The following GPHN variants were observed in gnomAD, a reference collection of about 807,000 sequenced individuals.
GPHN encodes the protein gephyrin.
A neutral mutation model predicts 95.5 loss-of-function variants in GPHN; 17 were observed. The ratio of observed to expected loss-of-function variants is 0.18; its 90% CI spans 0.12 to 0.27. The LOEUF (loss-of-function observed/expected upper bound fraction) is 0.27. GPHN is among the 10% of genes least tolerant of loss of function. The pLI is 1.00. For missense variants in GPHN, 660 were observed against 978.1 expected, an observed-to-expected ratio of 0.67 and a Z score of 4.34; for synonymous variants, 320 against 322.5, an observed-to-expected ratio of 0.99 and a Z score of 0.08.
At chr14:66,646,277 G>A (rs538235304) in intron 1 of GPHN, among the ~76,000 whole-genome samples, 5 of 152,168 alleles carry the variant, frequency 3.3e-5, no homozygotes, top group African/African-American at 9.6e-5. Context: ...CCTAAGAATG[G>A]CTGCTGTAAA....
chr14:67,336,803 G>GT, the GPHN span: 1 of 454,888 alleles, frequency 2.2e-6, no homozygotes, highest in African/African-American at 2.0e-5. Flanking sequence ...TGAGTTGTTG[G>GT]TTTTCCAGTC....
chr14:66,962,164 C>G (rs941552271), intron 8 of GPHN, among the ~76,000 whole-genome samples: 2 of 150,814 alleles, frequency 1.3e-5, no homozygotes, highest in African/African-American at 2.4e-5. Context: ...TTTCAGGTAA[C>G]TAATTACTAC....
the GPHN span, among the ~76,000 whole-genome samples, chr14:67,437,543 C>T: frequency 2.6e-5 from 4 of 152,036 alleles, no homozygotes; most frequent in Admixed American, 6.6e-5. Flanking sequence ...AACCTCACGG[C>T]GGCTGTACGT....
chr14:67,631,437 T>TTG, the GPHN span, among the ~76,000 whole-genome samples: 1 of 145,446 alleles, frequency 6.9e-6, no homozygotes, highest in African/African-American at 2.6e-5. Flanking sequence ...TTTCTTTCTT[T>TTG]TTTTTTTTTT....
intron 17 of GPHN, among the ~76,000 whole-genome samples, chr14:67,134,413 C>T (rs900579488): frequency 3.3e-5 from 5 of 152,196 alleles, no homozygotes; most frequent in African/African-American, 9.7e-5. Flanking sequence ...ACCTTAATCC[C>T]TTCTCAAAGT....
chr14:66,914,007 T>G lies in GPHN; in HGVS notation c.390-1996T>G, dbSNP rs535807359. Among the ~76,000 whole-genome samples the G allele has an allele frequency of 2.0e-5, 3 of 151,878 alleles. No homozygotes were observed. The South Asian group carries it at 6.2e-4, about 32-fold the overall frequency. ...AAACACTTCAAAGAGATCAGGGAAA[T>G]GAGAAAGAATACATAAATCTCTGAT... On this transcript the variant is annotated intron_variant, in intron 5 of 22. Coordinates refer to ENST00000478722, the MANE Select transcript of GPHN (RefSeq NM_020806.5).
intron 3 of GPHN, among the ~76,000 whole-genome samples, chr14:66,804,425 GC>G (rs1258843865): frequency 4.6e-5 from 7 of 152,170 alleles, no homozygotes; most frequent in Non-Finnish European, 1.0e-4. Context: ...TATGAACAAT[GC>G]AAAAGATTTC....
chr14:67,301,983 G>A, the GPHN span: 20 of 1,585,524 alleles, frequency 1.3e-5, 1 homozygote, highest in Non-Finnish European at 1.7e-5. Context: ...CACTTTTACT[G>A]GCCCACGATA....
intron 1 of GPHN, among the ~76,000 whole-genome samples, chr14:66,554,704 T>A (rs2059942249): frequency 6.6e-6 from 1 of 152,164 alleles, no homozygotes; most frequent in Non-Finnish European, 1.5e-5. Context: ...AGCTAAACCA[T>A]ATCAGCTGTC....
chr14:67,439,548 TCTTTC>T, the GPHN span, among the ~76,000 whole-genome samples: 1 of 61,860 alleles, frequency 1.6e-5, no homozygotes, highest in Admixed American at 1.7e-4. Context: ...TTTCTTTCTT[TCTTTC>T]TTTCTTTCTT....
chr14:67,670,557 G>A, the GPHN span, among the ~76,000 whole-genome samples: 1 of 150,086 alleles, frequency 6.7e-6, no homozygotes, highest in East Asian at 2.0e-4. Flanking sequence ...TTGGTTGTAA[G>A]GTTTGTTACC....
chr14:67,717,606 GT>G, the GPHN span, among the ~76,000 whole-genome samples: 9 of 152,212 alleles, frequency 5.9e-5, no homozygotes, highest in Admixed American at 5.9e-4. Context: ...CCAAACGGGG[GT>G]GATTTTGCCC....
chr14:67,399,263 A>G, the GPHN span, among the ~76,000 whole-genome samples: 572 of 134,076 alleles, frequency 4.3e-3, 18 homozygotes, highest in East Asian at 0.063. Context: ...GGAATAGAGA[A>G]GGGTCGTTTA....
the GPHN span, among the ~76,000 whole-genome samples, chr14:67,680,422 G>T: frequency 1.3e-5 from 2 of 152,262 alleles, no homozygotes; most frequent in Non-Finnish European, 2.9e-5. Context: ...TGACATGAAG[G>T]TTCCTTGTAG....
intron 10 of GPHN, among the ~76,000 whole-genome samples, chr14:67,034,274 TTC>T (rs767404950): frequency 2.3e-4 from 35 of 152,186 alleles, no homozygotes; most frequent in Non-Finnish European, 5.9e-5. Context: ...TGATAGATTG[TTC>T]TGTTTCATGT....
intron 2 of GPHN, among the ~76,000 whole-genome samples, chr14:66,731,665 G>T (rs926169400): frequency 6.6e-6 from 1 of 152,224 alleles, no homozygotes; most frequent in Non-Finnish European, 1.5e-5. Flanking sequence ...TTTATGGGGA[G>T]AAATTGAAGC....
At chr14:66,545,444 T>C (rs1277874546) in intron 1 of GPHN, among the ~76,000 whole-genome samples, 48 of 84,136 alleles carry the variant, frequency 5.7e-4, no homozygotes, top group Admixed American at 9.6e-4. Context: ...CTCCTCACTT[T>C]CCAGTAGGGG....
At chr14:66,812,495 A>G (rs1264873511) in intron 3 of GPHN, among the ~76,000 whole-genome samples, 1 of 152,216 alleles carries the variant, frequency 6.6e-6, no homozygotes, top group Non-Finnish European at 1.5e-5. Flanking sequence ...ACAGACAAAA[A>G]TTCTAAAGCA....
At chr14:66,896,006 G>A (rs971614929) in intron 5 of GPHN, among the ~76,000 whole-genome samples, 3 of 152,102 alleles carry the variant, frequency 2.0e-5, no homozygotes, top group Non-Finnish European at 1.5e-5. Flanking sequence ...CAGATTCAGC[G>A]TCTGGTGAAT....
Sources: allele counts gnomAD v4.1 joint callset (sites outside exome capture counted in the v4.1 genomes callset), GRCh38; gene constraint gnomAD v4.1.1; transcripts MANE v1.5; gene names NCBI Gene and HGNC (gene_info 2026-07-23, HGNC 2026-07-21).